Variants in CDCP1 observed in about 807,000 individuals in gnomAD.
The protein encoded by CDCP1 is CUB domain containing protein 1.
CDCP1 carries 29 observed loss-of-function variants against 60.2 expected under a neutral mutation model. That is an observed-to-expected ratio of 0.48 (90% CI 0.36 to 0.66). CDCP1 has a LOEUF of 0.66. Among genes scored for constraint, CDCP1 ranks in the 30% least tolerant of loss-of-function variants. The pLI, the probability that CDCP1 is intolerant of heterozygous loss-of-function variation, is 0.00. For synonymous variants in CDCP1, 387 were observed against 431.1 expected (o/e 0.90, Z 1.27); for missense variants, 876 against 1,074.3 (o/e 0.82, Z 2.58).
In CDCP1 at chr3:45,089,156, A is replaced by G. The variant is rs768373568; in HGVS notation, c.1994-15T>C. 6.2e-7 allele frequency: 1 copy of G among 1,610,472 alleles called. No individual in the cohort carries two copies. Among genetic ancestry groups the G allele is most frequent in the Non-Finnish European group, 8.5e-7 (1 of 1,176,914 alleles). ...GACAGTCAAGTCTGTGAGCAGAGAC[A>G]TAAAGAGACAGATGAAGAGGCAGCT... is the stretch of plus-strand genomic sequence containing the variant. On this transcript the variant is annotated splice_polypyrimidine_tract_variant and intron_variant, in intron 7 of 8. Transcript: ENST00000296129.
chr3:45,088,892 T>C (rs1698244545), intron 8 of CDCP1, among the ~76,000 whole-genome samples, 162 bp downstream of exon 8: 1 of 152,032 alleles, frequency 6.6e-6, no homozygotes, highest in South Asian at 2.1e-4. Context: ...GGATTTTTTT[T>C]CTCCTGAAAG....
At chr3:45,143,020 T>C (rs1699320384) in intron 1 of CDCP1, among the ~76,000 whole-genome samples, 1 of 152,178 alleles carries the variant, frequency 6.6e-6, no homozygotes, top group Non-Finnish European at 1.5e-5. Flanking sequence ...CTGGCTAATA[T>C]GGTGAAACCC....
At chr3:45,133,233 C>T (rs1012149287) in intron 1 of CDCP1, among the ~76,000 whole-genome samples, 8 of 152,144 alleles carry the variant, frequency 5.3e-5, no homozygotes, top group African/African-American at 1.7e-4. Context: ...CCAACATGCT[C>T]AGAAGAGCAC....
intron 7 of CDCP1, among the ~76,000 whole-genome samples, chr3:45,090,322 C>G (rs1289245635): frequency 6.6e-6 from 1 of 152,226 alleles, no homozygotes; most frequent in Non-Finnish European, 1.5e-5. Flanking sequence ...CCTGCCACAC[C>G]TGCATTCCCT....
chr3:45,118,590 G>A lies in CDCP1; in HGVS notation c.114C>T (p.Ser38=). ...CCAGCTTTATGAGAACTGTAATGTT[G>A]CTTTCTCGTGGCAGAGCAATCTCAA... ...EAFEIALPRE[S]NITVLIKLGT... is the part of the protein sequence containing the mutation. The change falls in exon 2 of 9, where the codon AGC becomes AGT. Residue 38 remains serine, a synonymous_variant. Transcript: ENST00000296129. The A allele has an allele frequency of 6.2e-7, 1 of 1,613,968 alleles. No individual in the cohort carries two copies. Among genetic ancestry groups the A allele is most frequent in the Non-Finnish European group, 8.5e-7 (1 of 1,180,022 alleles).
chr3:45,125,966 T>C (rs1449439299), intron 1 of CDCP1, among the ~76,000 whole-genome samples: 2 of 152,176 alleles, frequency 1.3e-5, no homozygotes, highest in Non-Finnish European at 2.9e-5. Context: ...AGGAGGCAGC[T>C]GGGACATTCT....
At chr3:45,088,298 A>C (rs1031755941) in intron 8 of CDCP1, among the ~76,000 whole-genome samples, 3 of 151,586 alleles carry the variant, frequency 2.0e-5, no homozygotes, top group African/African-American at 7.3e-5. Flanking sequence ...TCTGGCCAAT[A>C]AGGTGAAATC....
At chr3:45,120,559 A>G (rs1698865347) in intron 1 of CDCP1, among the ~76,000 whole-genome samples, 1 of 152,176 alleles carries the variant, frequency 6.6e-6, no homozygotes, top group South Asian at 2.1e-4. Context: ...TAACTGGAAG[A>G]ATTCCCAACT....
At position 45,112,013 on chromosome 3, in the gene CDCP1, T is replaced by C; in HGVS notation, c.655+70A>G. ...TTAGAGATTTGCTGACATTTGACCA[T>C]TTCTGACCTAGAACAATGATGATCT... On this transcript the variant is annotated intron_variant, in intron 3 of 8. Coordinates refer to ENST00000296129, the MANE Select transcript of CDCP1 (RefSeq NM_022842.5). 4 of 1,548,848 alleles carry C rather than the reference T, an allele frequency of 2.6e-6. No homozygotes were observed. In the Admixed American group the frequency reaches 5.3e-5, roughly 21 times the overall value.
At chr3:45,096,191 G>A (rs1335404998) in intron 4 of CDCP1, among the ~76,000 whole-genome samples, 1 of 152,166 alleles carries the variant, frequency 6.6e-6, no homozygotes, top group African/African-American at 2.4e-5. Context: ...TGTCTCTTCT[G>A]GGAACCAAAC....
In CDCP1 at chr3:45,082,320, A is replaced by G. The variant is rs1264250410; in HGVS notation, c.*3318T>C. On this transcript the variant is annotated 3_prime_UTR_variant, in exon 9 of 9. Coordinates refer to ENST00000296129, the MANE Select transcript of CDCP1 (RefSeq NM_022842.5). ...ATTATTTTTATTTCCGGACAAAAAC[A>G]TCTGCTTCACACAGTGCACGGCATC... is the stretch of plus-strand genomic sequence containing the variant. 6.6e-6 allele frequency: 1 copy of G among 152,140 alleles called. No individual in the cohort carries two copies. Among genetic ancestry groups the G allele is most frequent in the African/African-American group, 2.4e-5 (1 of 41,420 alleles). The allele number at this position is 152,140 out of a possible 1,614,324, so 9.4% of individuals were successfully genotyped here.
At chr3:45,100,369 T>C (rs1452889937) in intron 4 of CDCP1, among the ~76,000 whole-genome samples, 1 of 152,196 alleles carries the variant, frequency 6.6e-6, no homozygotes, top group African/African-American at 2.4e-5. Flanking sequence ...CTCTCTTCTG[T>C]CAGCTCAGGG....
At chr3:45,124,443 C>A (rs1698939666) in intron 1 of CDCP1, among the ~76,000 whole-genome samples, 1 of 152,156 alleles carries the variant, frequency 6.6e-6, no homozygotes, top group Non-Finnish European at 1.5e-5. Flanking sequence ...CCAGCCAGGG[C>A]TGGGCTCAGC....
At chr3:45,089,223 G>A in intron 7 of CDCP1, 82 bp from the exon 8 acceptor site, 1 of 1,112,546 alleles carries the variant, frequency 9.0e-7, no homozygotes, top group Non-Finnish European at 1.4e-6. Context: ...TCCAAAAGCA[G>A]CTGCCATCTC....
intron 8 of CDCP1, 103 bp from the exon 9 acceptor site, chr3:45,086,170 C>G: frequency 2.1e-6 from 2 of 966,540 alleles, no homozygotes; most frequent in Non-Finnish European, 3.1e-6. Flanking sequence ...AGGGTTCTGA[C>G]CATGTCTCCC....
At chr3:45,100,854 G>T (rs919303292) in intron 4 of CDCP1, among the ~76,000 whole-genome samples, 32 of 152,290 alleles carry the variant, frequency 2.1e-4, no homozygotes, top group African/African-American at 7.2e-4. Context: ...TATGGTAGAG[G>T]ATCAATTACA....
At chr3:45,106,963 C>G (rs1698576868) in intron 4 of CDCP1, among the ~76,000 whole-genome samples, 1 of 152,174 alleles carries the variant, frequency 6.6e-6, no homozygotes, top group Non-Finnish European at 1.5e-5. Context: ...TAGAGCTCTT[C>G]CAGTGATCAT....
At chr3:45,108,797 A>G (rs1016495220) in intron 4 of CDCP1, among the ~76,000 whole-genome samples, 6 of 31,460 alleles carry the variant, frequency 1.9e-4, no homozygotes, top group African/African-American at 5.4e-4. Context: ...ATGCATGTAT[A>G]TATATATATG....
chr3:45,140,982 C>A (rs556540028), intron 1 of CDCP1, among the ~76,000 whole-genome samples: 3 of 152,304 alleles, frequency 2.0e-5, no homozygotes, highest in East Asian at 1.9e-4. Flanking sequence ...GGGTGGATTG[C>A]TTGAGGCCAG....
Sources: allele counts gnomAD v4.1 joint callset (sites outside exome capture counted in the v4.1 genomes callset), GRCh38; gene constraint gnomAD v4.1.1; transcripts MANE v1.5; gene names NCBI Gene and HGNC (gene_info 2026-07-23, HGNC 2026-07-21).